Variants in DNAH5 observed in about 807,000 individuals in gnomAD.
The protein encoded by DNAH5 is dynein axonemal heavy chain 5.
A neutral mutation model predicts 518.2 loss-of-function variants in DNAH5; 372 were observed. The ratio of observed to expected loss-of-function variants is 0.72; its 90% CI spans 0.66 to 0.78. The LOEUF is 0.78. DNAH5 is among the 30% of genes least tolerant of loss of function. The pLI, the probability that DNAH5 is intolerant of heterozygous loss-of-function variation, is 0.00. For missense variants in DNAH5, 5,523 were observed against 5,687.0 expected, an observed-to-expected ratio of 0.97 and a Z score of 0.93; for synonymous variants, 2,039 against 2,025.9, an observed-to-expected ratio of 1.01 and a Z score of -0.17.
At chr5:13,928,912 G>A (rs1778145105) in intron 2 of DNAH5, among the ~76,000 whole-genome samples, 1 of 152,200 alleles carries the variant, frequency 6.6e-6, no homozygotes, top group Non-Finnish European at 1.5e-5. Context: ...AAATGGTGGA[G>A]CCGTTGTGGA....
At chr5:13,732,496 A>T (rs1241689125) in intron 68 of DNAH5, among the ~76,000 whole-genome samples, 2 of 152,048 alleles carry the variant, frequency 1.3e-5, no homozygotes, top group Non-Finnish European at 2.9e-5. Context: ...TCTCCCAAGT[A>T]GCTGGGACTA....
chr5:13,820,681 C>T (rs2151815043), intron 40 of DNAH5, among the ~76,000 whole-genome samples, 182 bp from the exon 41 acceptor site: 1 of 152,104 alleles, frequency 6.6e-6, no homozygotes, highest in African/African-American at 2.4e-5. Context: ...AAAAATTAGC[C>T]AGGCATAGTG....
intron 29 of DNAH5, 126 bp downstream of exon 29, chr5:13,862,422 A>G: frequency 1.1e-6 from 1 of 938,808 alleles, no homozygotes; most frequent in South Asian, 1.6e-5. Flanking sequence ...CAATGTAATT[A>G]AAACAAGTAT....
At chr5:13,961,430 G>A (rs1781170278) in intron 1 of DNAH5, among the ~76,000 whole-genome samples, 2 of 152,170 alleles carry the variant, frequency 1.3e-5, no homozygotes, top group Admixed American at 1.3e-4. Flanking sequence ...GATCGCCTGA[G>A]GTTAGGAGTT....
At chr5:13,903,820 T>C (rs1774966503) in intron 12 of DNAH5, among the ~76,000 whole-genome samples, 1 of 151,758 alleles carries the variant, frequency 6.6e-6, no homozygotes. Context: ...ACTGGATGAG[T>C]TTACCATTAA....
Position 13,859,732 on chromosome 5 carries a change from T to C in DNAH5, c.4797-127A>G, listed in dbSNP as rs1580626608. On this transcript the variant is annotated intron_variant, in intron 29 of 78. Transcript: ENST00000265104. ...ACAACCTTAATTATGTTGCTGGCTT[T>C]TAAAGTGATGCAACCAAGTGATTAA... 10 of 880,480 alleles carry C rather than the reference T, an allele frequency of 1.1e-5. No homozygotes were observed. In the East Asian group the frequency reaches 2.5e-4, roughly 22 times the overall value. The allele number at this position is 880,480 out of a possible 1,614,324, so 54.5% of individuals were successfully genotyped here. A position where few individuals can be genotyped will look rare whatever the true frequency, so the allele number is the denominator to read the frequency against.
In DNAH5 at chr5:13,700,767, A is replaced by T. The variant is rs763033794; in HGVS notation, c.13596T>A (p.Gly4532=). 3.1e-6 allele frequency: 5 copies of T among 1,613,928 alleles called. No homozygotes were observed. The African/African-American group carries it at 6.7e-5, about 22-fold the overall frequency. Residue 4532 remains glycine (G), a synonymous_variant, in exon 78 of 79, where the codon GGT becomes GGA. Transcript: ENST00000265104. ...CAAGATATAAGCCATAGACATAGAC[A>T]CCCTCTGTGGGAGGGGCAGAAATGT... ...KDDISAPPTE[G]VYVYGLYLEG...
intron 1 of DNAH5, among the ~76,000 whole-genome samples, chr5:13,980,964 C>T (rs1782632818): frequency 1.3e-5 from 2 of 152,210 alleles, no homozygotes; most frequent in South Asian, 4.1e-4. Flanking sequence ...TCTCTCAAGT[C>T]CTTCAGGTCC....
In DNAH5 at chr5:13,752,249, T is replaced by C; in HGVS notation, c.10913A>G (p.Glu3638Gly). ...AGGCCTTCCAAGAGAAAGGCTGTCTTCCAGGTGGTTTCTGAAGTACTTGTG... is the reference window on the plus strand; with the variant it reads ...AGGCCTTCCAAGAGAAAGGCTGTCTCCCAGGTGGTTTCTGAAGTACTTGTG... ...LNHKYFRNHL[E>G]DSLSLGRPLL... The change falls in exon 64 of 79, where the codon GAA becomes GGA. Residue 3638 changes from glutamate (E) to glycine (G), a missense_variant. By Grantham distance (98) the Glu-to-Gly change is moderately conservative. Around this residue, in one of 3 missense-constraint regions of DNAH5, gnomAD observed 5,121 missense variants for 5,223.3 expected, o/e 0.98. Transcript: ENST00000265104. 6.2e-7 allele frequency: 1 copy of C among 1,614,084 alleles called. No individual in the cohort carries two copies. Among genetic ancestry groups the C allele is most frequent in the Non-Finnish European group, 8.5e-7 (1 of 1,179,968 alleles).
At chr5:13,968,911 C>G (rs2152055435) in intron 1 of DNAH5, among the ~76,000 whole-genome samples, 1 of 152,224 alleles carries the variant, frequency 6.6e-6, no homozygotes, top group Non-Finnish European at 1.5e-5. Flanking sequence ...CTTTGAATGT[C>G]TGATAGAATT....
upstream of DNAH5, among the ~76,000 whole-genome samples, chr5:13,946,741 A>G (rs911701991): frequency 3.9e-5 from 6 of 152,208 alleles, no homozygotes; most frequent in African/African-American, 1.4e-4. Flanking sequence ...TAATGGGAAA[A>G]CAAGAGTAGA....
intron 46 of DNAH5, among the ~76,000 whole-genome samples, chr5:13,808,824 G>A (rs1760098918): frequency 6.6e-6 from 1 of 152,122 alleles, no homozygotes; most frequent in Non-Finnish European, 1.5e-5. Flanking sequence ...GCCAGGCATG[G>A]TGGTGGGCAC....
At chr5:13,914,978 A>T (rs1776473063) in intron 9 of DNAH5, among the ~76,000 whole-genome samples, 1 of 152,032 alleles carries the variant, frequency 6.6e-6, no homozygotes, top group African/African-American at 2.4e-5. Context: ...GCCTGCTCTA[A>T]TATCTAACTC....
In DNAH5 at chr5:13,934,017, T is replaced by C. The variant is rs113433889; in HGVS notation, c.58-2773A>G. On this transcript the variant is annotated intron_variant, in intron 1 of 78. Transcript: ENST00000265104. Reference sequence around the variant, plus strand: ...CACTAACCTGTCAAGAAATAGACTGTATTTCCCCTCCCCTTGAATTTGGCT... The same window carrying C: ...CACTAACCTGTCAAGAAATAGACTGCATTTCCCCTCCCCTTGAATTTGGCT... Among the ~76,000 whole-genome samples the C allele has an allele frequency of 3.9e-3, 598 of 152,208 alleles. 1 individual carries two copies. Among genetic ancestry groups the C allele is most frequent in the Non-Finnish European group, 6.6e-3 (446 of 68,014 alleles).
At chr5:13,859,338 ATTG>A in intron 30 of DNAH5, 111 bp downstream of exon 30, 1 of 1,153,464 alleles carries the variant, frequency 8.7e-7, no homozygotes, top group Non-Finnish European at 1.3e-6. Flanking sequence ...CAACAAAAAG[ATTG>A]AAGGAAGGGG....
intron 30 of DNAH5, among the ~76,000 whole-genome samples, chr5:13,857,103 C>A (rs1767744271): frequency 6.6e-6 from 1 of 152,118 alleles, no homozygotes; most frequent in African/African-American, 2.4e-5. Flanking sequence ...GATTGTATAT[C>A]TAGAAAACCC....
chr5:13,890,129 G>A (rs114324272), intron 17 of DNAH5, among the ~76,000 whole-genome samples: 2,328 of 152,260 alleles, frequency 0.015, 64 homozygotes, highest in African/African-American at 0.051. Flanking sequence ...ATGAAGGGCC[G>A]GGCGCAGTGG....
At chr5:14,007,622 T>C (rs1784808921) in intron 1 of DNAH5, among the ~76,000 whole-genome samples, 2 of 152,212 alleles carry the variant, frequency 1.3e-5, no homozygotes, top group Non-Finnish European at 1.5e-5. Flanking sequence ...TAGCATAAGC[T>C]TTGGACAGAT....
Position 13,886,771 on chromosome 5 carries a change from C to T in DNAH5, c.2578-642G>A, listed in dbSNP as rs115256849. The stretch of plus-strand genomic sequence containing the variant: ...AGCATTATACATCTTTAAACTTATA[C>T]GGCTTGAAAACTAGGATTCAAATCC... On this transcript the variant is annotated intron_variant, in intron 17 of 78. Coordinates refer to ENST00000265104, the MANE Select transcript of DNAH5 (RefSeq NM_001369.3). Among the ~76,000 whole-genome samples, 750 of 152,260 alleles carry T rather than the reference C, an allele frequency of 4.9e-3. 3 individuals are homozygous for T. The highest frequency in any genetic ancestry group is 0.017 in the African/African-American group (712 of 41,542).
Sources: gnomAD v4.1 joint callset for allele counts (sites outside exome capture counted in the v4.1 genomes callset) on GRCh38, gnomAD v4.1.1 for gene constraint, gnomAD v4.1.1 regional missense constraint, MANE v1.5 for transcripts, NCBI Gene and HGNC (gene_info 2026-07-23, HGNC 2026-07-21) for gene names.